The following RBFOX1 variants were observed in gnomAD, a reference collection of about 807,000 sequenced individuals.
RBFOX1 encodes RNA binding fox-1 homolog 1, also known as RNA binding protein fox-1 homolog 1.
A neutral mutation model predicts 57.7 loss-of-function variants in RBFOX1; 8 were observed. The ratio of observed to expected loss-of-function variants is 0.14; its 90% CI spans 0.08 to 0.25. RBFOX1 has a LOEUF of 0.25. Ranked by LOEUF, RBFOX1 falls within the 10% of genes least tolerant of loss-of-function variation. RBFOX1 has a pLI of 1.00. For synonymous variants in RBFOX1, 326 were observed against 222.4 expected (o/e 1.47, Z -4.15); for missense variants, 611 against 548.5 (o/e 1.11, Z -1.14).
At chr16:7,324,437 ATCCT>A (rs1275285224) in intron 4 of RBFOX1, among the ~76,000 whole-genome samples, 7 of 152,140 alleles carry the variant, frequency 4.6e-5, no homozygotes, top group Non-Finnish European at 8.8e-5. Flanking sequence ...GAGTAGCTGC[ATCCT>A]CCCCCCTTCT....
At chr16:6,844,203 T>C (rs1166100084) in intron 3 of RBFOX1, among the ~76,000 whole-genome samples, 1 of 152,002 alleles carries the variant, frequency 6.6e-6, no homozygotes, top group Non-Finnish European at 1.5e-5. Flanking sequence ...TTTTTTTCCT[T>C]CATGTTTTAA....
intron 1 of RBFOX1, among the ~76,000 whole-genome samples, chr16:5,304,139 C>G (rs2063873412): frequency 6.6e-6 from 1 of 152,230 alleles, no homozygotes; most frequent in Admixed American, 6.5e-5. Flanking sequence ...ATTCATATAT[C>G]AGCCCTTAGG....
chr16:7,249,491 C>T (rs1321278778), intron 4 of RBFOX1, among the ~76,000 whole-genome samples: 1 of 151,976 alleles, frequency 6.6e-6, no homozygotes, highest in Non-Finnish European at 1.5e-5. Context: ...TCTGAATTCT[C>T]TGTCTTTCTC....
chr16:7,395,212 G>A (rs1357106331), intron 4 of RBFOX1, among the ~76,000 whole-genome samples: 2 of 149,006 alleles, frequency 1.3e-5, no homozygotes, highest in African/African-American at 5.0e-5. Flanking sequence ...CCTGATCTAT[G>A]TAGATGCATT....
At chr16:6,777,030 A>C (rs911783182) in intron 3 of RBFOX1, among the ~76,000 whole-genome samples, 1 of 152,200 alleles carries the variant, frequency 6.6e-6, no homozygotes, top group Non-Finnish European at 1.5e-5. Flanking sequence ...TCTGTAATTG[A>C]AGGCACATTA....
chr16:7,597,122 C>G (rs1228704583), intron 8 of RBFOX1: 1 of 312,956 alleles, frequency 3.2e-6, no homozygotes, highest in Non-Finnish European at 5.8e-6. Flanking sequence ...TTTACTGTCC[C>G]TTTATTAAAC....
At chr16:6,050,354 A>T (rs1187694134) in intron 1 of RBFOX1, among the ~76,000 whole-genome samples, 2 of 152,294 alleles carry the variant, frequency 1.3e-5, no homozygotes, top group South Asian at 2.1e-4. Flanking sequence ...TGTTGAAGAA[A>T]ACAGATTGTT....
chr16:6,747,490 A>G (rs72765002), intron 3 of RBFOX1, among the ~76,000 whole-genome samples: 34,820 of 150,856 alleles, frequency 0.23, 4,330 homozygotes, highest in Non-Finnish European at 0.28. Context: ...CTATCTGTCT[A>G]TCTGTCTTAC....
chr16:6,913,069 C>A (rs756338664), intron 3 of RBFOX1, among the ~76,000 whole-genome samples: 13 of 152,080 alleles, frequency 8.5e-5, no homozygotes, highest in Non-Finnish European at 1.5e-4. Context: ...GGAAAGGGCC[C>A]CAGGCAGGAA....
chr16:7,455,429 A>T (rs1285773435), intron 4 of RBFOX1, among the ~76,000 whole-genome samples: 1 of 152,136 alleles, frequency 6.6e-6, no homozygotes, highest in Non-Finnish European at 1.5e-5. Flanking sequence ...CAGCTCCCAG[A>T]GTTGTTTGCA....
rs913119096 is a variant in RBFOX1, at chr16:6,751,760, G to A, written c.-16+97110G>A. 1.4e-4 allele frequency among the ~76,000 whole-genome samples: 21 copies of A among 152,134 alleles called. 1 individual carries two copies. The highest frequency in any genetic ancestry group is 2.6e-4 in the Non-Finnish European group (18 of 68,032). ...AGGAATTGAACCTGCGTTGTTTACT[G>A]CCCCTGTGGTCTTATGAAGAATGTG... On this transcript the variant is annotated intron_variant, in intron 3 of 15. Transcript: ENST00000550418.
At chr16:6,683,186 G>A (rs912807967) in intron 3 of RBFOX1, among the ~76,000 whole-genome samples, 1 of 152,056 alleles carries the variant, frequency 6.6e-6, no homozygotes, top group African/African-American at 2.4e-5. Context: ...ACATTAAATT[G>A]TCACATAAAA....
At chr16:6,841,128 C>A (rs769263377) in intron 3 of RBFOX1, among the ~76,000 whole-genome samples, 6 of 151,540 alleles carry the variant, frequency 4.0e-5, no homozygotes, top group Non-Finnish European at 7.4e-5. Flanking sequence ...TGCTTAAGTT[C>A]CTTGTACACT....
intron 3 of RBFOX1, among the ~76,000 whole-genome samples, chr16:6,867,319 T>C (rs1218124712): frequency 2.0e-5 from 3 of 152,114 alleles, no homozygotes; most frequent in South Asian, 2.1e-4. Flanking sequence ...TTATTGGCTC[T>C]GATGATGGTT....
chr16:6,265,164 G>T (rs2074316052), intron 1 of RBFOX1, among the ~76,000 whole-genome samples: 1 of 152,160 alleles, frequency 6.6e-6, no homozygotes. Context: ...AACCTGAAAG[G>T]AACATTATGC....
At chr16:5,617,857 C>T (rs757831730) in intron 3 of RBFOX1, among the ~76,000 whole-genome samples, 1 of 152,154 alleles carries the variant, frequency 6.6e-6, no homozygotes, top group Non-Finnish European at 1.5e-5. Flanking sequence ...TTCCCCTAGG[C>T]AGCATTTCCG....
At chr16:7,124,707 A>T (rs753484626) in intron 4 of RBFOX1, among the ~76,000 whole-genome samples, 1 of 151,926 alleles carries the variant, frequency 6.6e-6, no homozygotes, top group Non-Finnish European at 1.5e-5. Context: ...CACATACACA[A>T]AAAGACTCTA....
chr16:7,155,712 A>AAAAAATATATATATATAT (rs1195367029), intron 4 of RBFOX1, among the ~76,000 whole-genome samples: 1 of 77,420 alleles, frequency 1.3e-5, no homozygotes, highest in African/African-American at 6.7e-5. Context: ...AAAAAAAAAA[A>AAAAAATATATATATATAT]ATATATATAT....
rs1599565061 is a variant in RBFOX1 at position 7,102,818 on chromosome 16, T to G, written c.27+50720T>G. Among the ~76,000 whole-genome samples, 7 of 152,196 alleles carry G rather than the reference T, an allele frequency of 4.6e-5. No individual in the cohort carries two copies. In the South Asian group the frequency reaches 1.5e-3, roughly 32 times the overall value. Reference sequence around the variant, plus strand: ...ATGAAAATCATCCAACCAGCAATTTTTTTGAGATTAGAAAACACAGCCTAA... The same window carrying G: ...ATGAAAATCATCCAACCAGCAATTTGTTTGAGATTAGAAAACACAGCCTAA... On this transcript the variant is annotated intron_variant, in intron 4 of 15. Coordinates refer to ENST00000550418, the MANE Select transcript of RBFOX1 (RefSeq NM_018723.4).
Sources: allele counts gnomAD v4.1 joint callset (sites outside exome capture counted in the v4.1 genomes callset), GRCh38; gene constraint gnomAD v4.1.1; transcripts MANE v1.5; gene names NCBI Gene and HGNC (gene_info 2026-07-23, HGNC 2026-07-21).